The following ERC2 variants were observed in gnomAD, a reference collection of about 807,000 sequenced individuals.
The protein encoded by ERC2 is ELKS/RAB6-interacting/CAST family member 2, also known as ERC protein 2.
ERC2 carries 42 observed loss-of-function variants against 114.8 expected under a neutral mutation model. The observed-to-expected ratio is 0.37, with a 90% CI of 0.29 to 0.47. The LOEUF is 0.47. Among genes scored for constraint, ERC2 ranks in the 20% least tolerant of loss-of-function variants. The pLI, the probability that ERC2 is intolerant of heterozygous loss-of-function variation, is 0.99. For synonymous variants in ERC2, 454 were observed against 425.5 expected, an observed-to-expected ratio of 1.07 and a Z score of -0.82; for missense variants, 939 against 1,150.7, an observed-to-expected ratio of 0.82 and a Z score of 2.66.
Position 55,566,005 on chromosome 3 carries a change from A to C in ERC2, c.*40-54729T>G, listed in dbSNP as rs182932049. Among the ~76,000 whole-genome samples, 324 of 152,362 alleles carry C rather than the reference A, an allele frequency of 2.1e-3. 1 individual carries two copies. Among genetic ancestry groups the C allele is most frequent in the African/African-American group, 7.5e-3 (310 of 41,588 alleles). On this transcript the variant is annotated intron_variant, in intron 17 of 17. Transcript: ENST00000288221. ...AAATTGTTGCACCCAGCAAGGAGGC[A>C]GAGTGGTCTCTTAGCTTGGGGGGAA...
intron 14 of ERC2, among the ~76,000 whole-genome samples, chr3:55,801,646 G>A (rs967567278): frequency 9.9e-5 from 15 of 152,220 alleles, no homozygotes; most frequent in African/African-American, 3.1e-4. Context: ...TAATATTTCT[G>A]GAAGAAAGAG....
intron 14 of ERC2, among the ~76,000 whole-genome samples, chr3:55,812,274 C>A (rs944478981): frequency 1.3e-5 from 2 of 152,192 alleles, no homozygotes; most frequent in Admixed American, 6.5e-5. Flanking sequence ...ACCTCGACAA[C>A]CACTTGCTGA....
intron 1 of ERC2, among the ~76,000 whole-genome samples, chr3:56,462,410 A>G (rs2063352379): frequency 6.6e-6 from 1 of 152,126 alleles, no homozygotes; most frequent in South Asian, 2.1e-4. Flanking sequence ...CTCGTACTAA[A>G]GCATGTATGT....
chr3:56,032,941 AAGAAAGAAAGAAAGAAAC>A (rs1560056620), intron 7 of ERC2, among the ~76,000 whole-genome samples: 46 of 103,644 alleles, frequency 4.4e-4, no homozygotes, highest in East Asian at 8.8e-4. Context: ...GAAAGAAAGA[AAGAAAGAAAGAAAGAAAC>A]AGAAAGAAAG....
chr3:56,086,302 C>A (rs1342628408), intron 6 of ERC2, among the ~76,000 whole-genome samples: 1 of 152,048 alleles, frequency 6.6e-6, no homozygotes, highest in Non-Finnish European at 1.5e-5. Context: ...TTGTGATCAG[C>A]ACGTTACTCA....
chr3:56,122,776 T>C (rs377111569), intron 6 of ERC2, among the ~76,000 whole-genome samples: 2 of 152,090 alleles, frequency 1.3e-5, no homozygotes, highest in African/African-American at 2.4e-5. Flanking sequence ...TGCCCGTAAG[T>C]CTTATAATGC....
chr3:55,722,108 A>G (rs967692109), intron 15 of ERC2, among the ~76,000 whole-genome samples: 7 of 152,050 alleles, frequency 4.6e-5, no homozygotes, highest in African/African-American at 1.7e-4. Context: ...TTTTTGCCCA[A>G]TTCCATTCCC....
chr3:55,887,269 A>G (rs2063392175), intron 14 of ERC2, among the ~76,000 whole-genome samples: 1 of 152,154 alleles, frequency 6.6e-6, no homozygotes, highest in Admixed American at 6.6e-5. Flanking sequence ...AAAAAACCCT[A>G]TTTATTCTTT....
chr3:56,202,488 C>T (rs1367584119), intron 3 of ERC2, among the ~76,000 whole-genome samples: 2 of 142,362 alleles, frequency 1.4e-5, no homozygotes, highest in African/African-American at 5.1e-5. Flanking sequence ...TTCTGAGCAT[C>T]TCTAAACTCA....
At chr3:56,256,919 T>C (rs1182652799) in intron 3 of ERC2, among the ~76,000 whole-genome samples, 1 of 152,190 alleles carries the variant, frequency 6.6e-6, no homozygotes, top group Non-Finnish European at 1.5e-5. Flanking sequence ...CAATTAAACC[T>C]CTTTCCTTTA....
At chr3:56,283,205 C>G (rs1453864045) in intron 3 of ERC2, among the ~76,000 whole-genome samples, 1 of 152,232 alleles carries the variant, frequency 6.6e-6, no homozygotes, top group Non-Finnish European at 1.5e-5. Context: ...CCATTCTGTC[C>G]TTTAAAGCAG....
intron 1 of ERC2, among the ~76,000 whole-genome samples, chr3:56,441,187 A>G (rs898817657): frequency 5.9e-5 from 9 of 152,224 alleles, no homozygotes; most frequent in Admixed American, 5.9e-4. Flanking sequence ...GCCCTGGAAG[A>G]TGAAATACCA....
At chr3:55,617,431 G>A (rs1383915663) in intron 17 of ERC2, among the ~76,000 whole-genome samples, 2 of 152,176 alleles carry the variant, frequency 1.3e-5, no homozygotes, top group Non-Finnish European at 2.9e-5. Context: ...TTTTCCTCCA[G>A]CGTTTTGGCA....
At chr3:55,712,645 T>C (rs752288147) in intron 15 of ERC2, among the ~76,000 whole-genome samples, 3 of 152,184 alleles carry the variant, frequency 2.0e-5, no homozygotes, top group Non-Finnish European at 4.4e-5. Flanking sequence ...TCCTTATCAC[T>C]GGAGATGGGA....
intron 2 of ERC2, among the ~76,000 whole-genome samples, chr3:56,427,052 C>CT (rs1484532361): frequency 7.0e-6 from 1 of 143,780 alleles, no homozygotes; most frequent in Non-Finnish European, 1.5e-5. Context: ...GGTCCCAGTA[C>CT]TGGGGGGTTG....
chr3:55,757,860 T>G (rs2067160695), intron 14 of ERC2, among the ~76,000 whole-genome samples: 1 of 152,160 alleles, frequency 6.6e-6, no homozygotes, highest in South Asian at 2.1e-4. Flanking sequence ...CTTAGATCAT[T>G]AAAAGTCAAT....
chr3:56,231,940 AT>A (rs2150178983), intron 3 of ERC2, among the ~76,000 whole-genome samples: 1 of 152,154 alleles, frequency 6.6e-6, no homozygotes, highest in Admixed American at 6.5e-5. Flanking sequence ...AGAAAAAAAA[AT>A]CTTTATAGAA....
intron 6 of ERC2, among the ~76,000 whole-genome samples, chr3:56,133,315 T>C (rs2080313460): frequency 6.6e-6 from 1 of 152,082 alleles, no homozygotes; most frequent in South Asian, 2.1e-4. Flanking sequence ...TGCATGCCTA[T>C]AATCCCAGTT....
chr3:56,128,655 C>T (rs1485669), intron 6 of ERC2, among the ~76,000 whole-genome samples: 1 of 152,156 alleles, frequency 6.6e-6, no homozygotes, highest in African/African-American at 2.4e-5. Context: ...TCAGTGACAC[C>T]TAGGTCTCTG....
Sources: gnomAD v4.1 joint callset for allele counts (sites outside exome capture counted in the v4.1 genomes callset) on GRCh38, gnomAD v4.1.1 for gene constraint, MANE v1.5 for transcripts, NCBI Gene and HGNC (gene_info 2026-07-23, HGNC 2026-07-21) for gene names.